Variants in RBL1 observed in about 807,000 individuals in gnomAD.
The protein encoded by RBL1 is RB transcriptional corepressor like 1, also known as retinoblastoma-like protein 1.
RBL1 carries 82 observed loss-of-function variants against 123.0 expected under a neutral mutation model. The observed-to-expected ratio is 0.67, with a 90% confidence interval of 0.56 to 0.80. The LOEUF (loss-of-function observed/expected upper bound fraction) is 0.80. RBL1 is among the 30% of genes least tolerant of loss of function. RBL1 has a pLI of 0.00. For synonymous variants in RBL1, 405 were observed against 441.3 expected (o/e 0.92, Z 1.03); for missense variants, 1,171 against 1,299.6 (o/e 0.90, Z 1.52).
intron 9 of RBL1, 91 bp from the exon 10 acceptor site, chr20:37,056,349 TTC>T (rs1321401263): frequency 3.2e-5 from 41 of 1,299,448 alleles, no homozygotes; most frequent in African/African-American, 6.5e-5. Context: ...TGCCTTCTTC[TTC>T]TTTTTTTTTT....
chr20:37,095,997 C>T lies in RBL1; in HGVS notation c.-69G>A. 3 of 1,276,750 alleles carry T rather than the reference C, an allele frequency of 2.3e-6. No homozygotes were observed. Among genetic ancestry groups the T allele is most frequent in the Non-Finnish European group, 2.1e-6 (2 of 959,036 alleles). 79.1% of individuals were successfully genotyped at this position (1,276,750 alleles called of 1,614,324 possible). A position where few individuals can be genotyped will look rare whatever the true frequency, so the allele number is the denominator to read the frequency against. ...TTCTCCCTCCCAGGCGCGCTACCCACAACCACCTGCGCCAAAGCGCGCGAA... is the reference window on the plus strand; with the variant it reads ...TTCTCCCTCCCAGGCGCGCTACCCATAACCACCTGCGCCAAAGCGCGCGAA... On this transcript the variant is annotated 5_prime_UTR_variant, in exon 1 of 22. It adds an upstream start codon to the 5' untranslated region. Transcript: ENST00000373664.
At chr20:37,084,234 T>C (rs997732676) in intron 2 of RBL1, among the ~76,000 whole-genome samples, 1 of 152,124 alleles carries the variant, frequency 6.6e-6, no homozygotes, top group Admixed American at 6.6e-5. Context: ...TTTTTAGGAA[T>C]CATACATATT....
intron 2 of RBL1, among the ~76,000 whole-genome samples, chr20:37,084,168 G>A (rs1216065786): frequency 6.6e-6 from 1 of 151,904 alleles, no homozygotes; most frequent in Non-Finnish European, 1.5e-5. Context: ...CCAAAGTGCT[G>A]GGATTACAGG....
intron 1 of RBL1, 108 bp from the exon 2 acceptor site, chr20:37,089,230 G>C: frequency 8.9e-7 from 1 of 1,117,856 alleles, no homozygotes; most frequent in Non-Finnish European, 1.2e-6. Context: ...TCCTTATGTA[G>C]ATAAAGGGCC....
chr20:37,002,446 C>G (rs1240831959), intron 21 of RBL1, among the ~76,000 whole-genome samples: 5 of 140,610 alleles, frequency 3.6e-5, no homozygotes, highest in Non-Finnish European at 1.5e-5. Context: ...TGGGTTCAAG[C>G]GATTCTCCTG....
chr20:37,075,066 A>G (rs1199720925), intron 2 of RBL1, among the ~76,000 whole-genome samples: 1 of 152,240 alleles, frequency 6.6e-6, no homozygotes, highest in East Asian at 1.9e-4. Flanking sequence ...ATGCTACATC[A>G]TGGATGAACC....
intron 17 of RBL1, 55 bp downstream of exon 17, chr20:37,022,595 A>T (rs1175144240): frequency 1.3e-6 from 2 of 1,489,010 alleles, no homozygotes; most frequent in Admixed American, 2.1e-5. Flanking sequence ...CGAAAGTGCT[A>T]GGATTATACG....
chr20:36,998,985 A>C (rs1484602903), intron 21 of RBL1, 56 bp from the exon 22 acceptor site: 1 of 1,512,370 alleles, frequency 6.6e-7, no homozygotes, highest in African/African-American at 1.4e-5. Flanking sequence ...AAATGGCAGC[A>C]AACAACCAAG....
chr20:37,039,953 A>G (rs771327031), intron 14 of RBL1, among the ~76,000 whole-genome samples, 200 bp downstream of exon 14: 1 of 152,056 alleles, frequency 6.6e-6, no homozygotes, highest in Non-Finnish European at 1.5e-5. Flanking sequence ...AAATTCTATT[A>G]ATATAGAATA....
rs1286410949 is a variant in RBL1, at chr20:37,084,371, T to C, written c.290+4618A>G. Among the ~76,000 whole-genome samples the C allele has an allele frequency of 3.9e-5, 6 of 152,138 alleles. No individual in the cohort carries two copies. In the East Asian group the frequency reaches 1.2e-3, roughly 29 times the overall value. ...GATGAAAGATCCTTATACCCTAAAA[T>C]ATCCTAGTATCATTAAAAAAATTAA... is the stretch of plus-strand genomic sequence containing the variant. On this transcript the variant is annotated intron_variant, in intron 2 of 21. Coordinates refer to ENST00000373664, the MANE Select transcript of RBL1 (RefSeq NM_002895.5).
intron 21 of RBL1, among the ~76,000 whole-genome samples, chr20:37,000,196 TGA>T (rs1417462835): frequency 2.8e-5 from 4 of 143,318 alleles, no homozygotes; most frequent in Admixed American, 6.9e-5. Context: ...GTCTGAGAAG[TGA>T]GGAGCCCCTC....
At chr20:37,016,830 G>A (rs1190619438) in intron 19 of RBL1, among the ~76,000 whole-genome samples, 1 of 151,668 alleles carries the variant, frequency 6.6e-6, no homozygotes, top group Non-Finnish European at 1.5e-5. Flanking sequence ...GCTGCAGTGA[G>A]CCATGATTGT....
Position 37,063,211 on chromosome 20 carries a change from G to A in RBL1, c.897-941C>T, listed in dbSNP as rs117429862. On this transcript the variant is annotated intron_variant, in intron 7 of 21. Transcript: ENST00000373664. ...TCCTGCCTTAGCCTCCTGAGTAGCC[G>A]GGACTACAGGCTTGTGCCACCATGC... Among the ~76,000 whole-genome samples, 847 of 152,222 alleles carry A rather than the reference G, an allele frequency of 5.6e-3. 2 individuals carry two copies. Among genetic ancestry groups the A allele is most frequent in the Non-Finnish European group, 8.3e-3 (565 of 68,014 alleles).
chr20:37,009,358 A>G (rs2064119301), intron 19 of RBL1, among the ~76,000 whole-genome samples: 1 of 151,956 alleles, frequency 6.6e-6, no homozygotes, highest in South Asian at 2.1e-4. Flanking sequence ...TCTGGGAAAC[A>G]CTGTTTCAAA....
At position 37,061,382 on chromosome 20, in the gene RBL1, T is replaced by G. The variant is rs907609086; in HGVS notation, c.1084-113A>C. ...TTCATATTTGTAATATCCATGAAAT[T>G]TTTAGCAATACTATGCTAATAACAT... On this transcript the variant is annotated intron_variant, in intron 8 of 21. Coordinates refer to ENST00000373664, the MANE Select transcript of RBL1 (RefSeq NM_002895.5). The G allele has an allele frequency of 5.0e-6, 7 of 1,389,598 alleles. No individual in the cohort carries two copies. The African/African-American group carries it at 8.7e-5, about 17-fold the overall frequency. The allele number at this position is 1,389,598 out of a possible 1,614,324, so 86.1% of individuals were successfully genotyped here.
intron 7 of RBL1, among the ~76,000 whole-genome samples, chr20:37,063,577 T>C (rs1043360623): frequency 1.3e-5 from 2 of 152,126 alleles, no homozygotes; most frequent in African/African-American, 4.8e-5. Context: ...AATGGTGTGA[T>C]CTGGGCTCAC....
chr20:37,023,115 A>G (rs997605025), intron 16 of RBL1, among the ~76,000 whole-genome samples: 2 of 152,046 alleles, frequency 1.3e-5, no homozygotes, highest in Non-Finnish European at 2.9e-5. Context: ...TTATGAACAT[A>G]TAATTTTTCC....
chr20:37,004,283 T>C (rs958943375), intron 20 of RBL1, among the ~76,000 whole-genome samples: 5 of 151,658 alleles, frequency 3.3e-5, no homozygotes, highest in African/African-American at 9.7e-5. Flanking sequence ...GAGATGACCA[T>C]GTTGGCCAGG....
In RBL1 at chr20:37,020,741, TAAA is replaced by T; in HGVS notation, c.2560-14_2560-12del. On this transcript the variant is annotated splice_polypyrimidine_tract_variant and intron_variant, in intron 17 of 21. Transcript: ENST00000373664. The stretch of plus-strand genomic sequence containing the variant: ...TTCTTCTTTTGTTACCTAAGGAAAA[TAAA>T]AACCGCATTTATCAACTGCTTTTTG... 6.5e-7 allele frequency: 1 copy of T among 1,529,756 alleles called. No individual in the cohort carries two copies. Among genetic ancestry groups the T allele is most frequent in the Non-Finnish European group, 8.9e-7 (1 of 1,125,598 alleles). 94.8% of individuals were successfully genotyped at this position (1,529,756 alleles called of 1,614,324 possible).
Sources: allele counts gnomAD v4.1 joint callset (sites outside exome capture counted in the v4.1 genomes callset), GRCh38; gene constraint gnomAD v4.1.1; transcripts MANE v1.5; gene names NCBI Gene and HGNC (gene_info 2026-07-23, HGNC 2026-07-21).